The following MAP7 variants were observed in gnomAD, a reference collection of about 807,000 sequenced individuals.
MAP7 encodes the protein ensconsin.
MAP7 carries 52 observed loss-of-function variants against 94.8 expected under a neutral mutation model. That is an observed-to-expected ratio of 0.55 (90% confidence interval 0.44 to 0.69). The LOEUF (loss-of-function observed/expected upper bound fraction) is 0.69, where lower values mean the gene tolerates loss of function less well. MAP7 is among the 30% of genes least tolerant of loss of function. MAP7 has a pLI of 0.00. For missense variants in MAP7, 940 were observed against 964.6 expected (o/e 0.97, Z 0.34); for synonymous variants, 350 against 357.0 (o/e 0.98, Z 0.22).
intron 1 of MAP7, among the ~76,000 whole-genome samples, chr6:136,469,981 C>T (rs1157831927): frequency 6.6e-6 from 1 of 152,168 alleles, no homozygotes; most frequent in Non-Finnish European, 1.5e-5. Flanking sequence ...TCACTGCCTA[C>T]CTGCTTTCTT....
Position 136,420,386 on chromosome 6 carries a change from G to A in MAP7, c.166+1315C>T, listed in dbSNP as rs935593087. On this transcript the variant is annotated intron_variant, in intron 2 of 17. Coordinates refer to ENST00000354570, the MANE Select transcript of MAP7 (RefSeq NM_003980.6). ...GGCCATAACCTCAGTGCAGCACCAGGAGGCCAGGGGAACTCAGCTACCAGG... is the reference window on the plus strand; with the variant it reads ...GGCCATAACCTCAGTGCAGCACCAGAAGGCCAGGGGAACTCAGCTACCAGG... 13 of 546,904 alleles carry A rather than the reference G, an allele frequency of 2.4e-5. No individual in the cohort carries two copies. In the East Asian group the frequency reaches 3.8e-4, roughly 16 times the overall value. 33.9% of individuals were successfully genotyped at this position (546,904 alleles called of 1,614,324 possible). A position where few individuals can be genotyped will look rare whatever the true frequency, so the allele number is the denominator to read the frequency against.
At chr6:136,527,766 C>T (rs540841928) in intron 1 of MAP7, among the ~76,000 whole-genome samples, 6 of 152,206 alleles carry the variant, frequency 3.9e-5, no homozygotes, top group Admixed American at 6.5e-5. Flanking sequence ...CCAGGAAGTA[C>T]TTCTTTGTAT....
At chr6:136,422,419 A>T (rs1415970646) in intron 1 of MAP7, among the ~76,000 whole-genome samples, 1 of 152,024 alleles carries the variant, frequency 6.6e-6, no homozygotes, top group Non-Finnish European at 1.5e-5. Context: ...GCTGAAATTC[A>T]AATTAAAAAA....
intron 3 of MAP7, among the ~76,000 whole-genome samples, chr6:136,397,276 C>T (rs1782743457): frequency 6.6e-6 from 1 of 151,396 alleles, no homozygotes; most frequent in African/African-American, 2.4e-5. Context: ...ACTTTAATAC[C>T]CGGCCCTTCC....
At chr6:136,385,521 C>G (rs144025285) in intron 5 of MAP7, among the ~76,000 whole-genome samples, 14 of 152,166 alleles carry the variant, frequency 9.2e-5, no homozygotes, top group African/African-American at 3.1e-4. Context: ...GGCCTATCCT[C>G]AGGCAGATTC....
chr6:136,494,528 T>G (rs1222309843), intron 1 of MAP7, among the ~76,000 whole-genome samples: 2 of 152,178 alleles, frequency 1.3e-5, no homozygotes, highest in African/African-American at 4.8e-5. Flanking sequence ...ATGTACTTAA[T>G]GCAACTGAAC....
intron 1 of MAP7, among the ~76,000 whole-genome samples, chr6:136,467,378 A>G (rs1163985810): frequency 6.6e-6 from 1 of 152,188 alleles, no homozygotes; most frequent in Non-Finnish European, 1.5e-5. Flanking sequence ...TTCTCCCTTC[A>G]CTGCTGAGAA....
chr6:136,356,441 C>A (rs1161545824), intron 16 of MAP7, among the ~76,000 whole-genome samples: 1 of 152,132 alleles, frequency 6.6e-6, no homozygotes, highest in Non-Finnish European at 1.5e-5. Flanking sequence ...GTTGGGATTA[C>A]AGGAGTGAGC....
rs776416005 is a variant in MAP7, at chr6:136,360,974, G to C, written c.1701+31C>G. The C allele has an allele frequency of 1.2e-5, 19 of 1,553,138 alleles. No individual in the cohort carries two copies. The African/African-American group carries it at 2.3e-4, about 19-fold the overall frequency. ...GCTGGGGCGTCTCCCTGCGGGACTG[G>C]GGCCGGGGCCAGGGTGGGGTGCGGC... On this transcript the variant is annotated intron_variant, in intron 12 of 17. Coordinates refer to ENST00000354570, the MANE Select transcript of MAP7 (RefSeq NM_003980.6).
chr6:136,348,896 C>T (rs1273163359), intron 16 of MAP7, among the ~76,000 whole-genome samples: 3 of 152,086 alleles, frequency 2.0e-5, no homozygotes, highest in Admixed American at 6.5e-5. Context: ...AGCTCCCCTA[C>T]GGCAATGAAC....
At chr6:136,376,959 C>T (rs916410368) in intron 7 of MAP7, among the ~76,000 whole-genome samples, 1 of 152,174 alleles carries the variant, frequency 6.6e-6, no homozygotes, top group African/African-American at 2.4e-5. Context: ...TATATAAATA[C>T]ACCAATTGTC....
chr6:136,542,369 G>A (rs990312455), intron 1 of MAP7, among the ~76,000 whole-genome samples: 12 of 152,196 alleles, frequency 7.9e-5, no homozygotes, highest in African/African-American at 2.7e-4. Context: ...AGCAACTGAT[G>A]AAACGTCCAA....
At chr6:136,423,739 A>G (rs1008321820) in intron 1 of MAP7, among the ~76,000 whole-genome samples, 4 of 150,532 alleles carry the variant, frequency 2.7e-5, no homozygotes, top group African/African-American at 9.7e-5. Flanking sequence ...AAAAAAAAAA[A>G]CAAAACCTCA....
chr6:136,550,418 A>G lies in MAP7; in HGVS notation c.-10T>C. 6.6e-7 allele frequency: 1 copy of G among 1,515,056 alleles called. No individual in the cohort carries two copies. The highest frequency in any genetic ancestry group is 8.8e-7 in the Non-Finnish European group (1 of 1,138,500). 93.9% of individuals were successfully genotyped at this position (1,515,056 alleles called of 1,614,324 possible). ...CTCCTAGCTCCGCCATGGTGCTCCG[A>G]TGACGCGCCCGGAGAGCCGCTCCGC... is the stretch of plus-strand genomic sequence containing the variant. On this transcript the variant is annotated 5_prime_UTR_variant, in exon 1 of 18. Transcript: ENST00000354570. This position sits in a 1 kb window ranked among gnomAD's most constrained non-coding sequence, Gnocchi z 5.1.
At chr6:136,380,448 C>A (rs2128630852) in intron 6 of MAP7, among the ~76,000 whole-genome samples, 1 of 152,318 alleles carries the variant, frequency 6.6e-6, no homozygotes, top group South Asian at 2.1e-4. Context: ...ACAAACAACA[C>A]TGCTCAGGTA....
chr6:136,384,520 G>T (rs1778654258), intron 5 of MAP7, among the ~76,000 whole-genome samples: 1 of 151,650 alleles, frequency 6.6e-6, no homozygotes, highest in Non-Finnish European at 1.5e-5. Flanking sequence ...GGGAGACAGG[G>T]TATTGCTCTG....
chr6:136,345,011 A>G (rs757284808), intron 17 of MAP7, among the ~76,000 whole-genome samples: 3 of 152,262 alleles, frequency 2.0e-5, no homozygotes, highest in Non-Finnish European at 2.9e-5. Context: ...ATGCTGGTCA[A>G]TACATGACAG....
chr6:136,429,902 G>A (rs1281384774), intron 1 of MAP7, among the ~76,000 whole-genome samples: 1 of 152,094 alleles, frequency 6.6e-6, no homozygotes, highest in Non-Finnish European at 1.5e-5. Context: ...ATCTCCGTTG[G>A]TGACTTACCA....
intron 8 of MAP7, among the ~76,000 whole-genome samples, chr6:136,372,238 G>C (rs1774736189): frequency 6.6e-6 from 1 of 152,302 alleles, no homozygotes; most frequent in Admixed American, 6.5e-5. Flanking sequence ...GGAGGGTAGG[G>C]CGTCCACTCA....
Sources: gnomAD v4.1 joint callset for allele counts (sites outside exome capture counted in the v4.1 genomes callset) on GRCh38, gnomAD v4.1.1 for gene constraint, Gnocchi (gnomAD v3.1) non-coding constraint, MANE v1.5 for transcripts, NCBI Gene and HGNC (gene_info 2026-07-23, HGNC 2026-07-21) for gene names.